Variants in MAML3 observed in about 807,000 individuals in gnomAD.
MAML3 encodes the protein mastermind like transcriptional coactivator 3.
In MAML3, 27 loss-of-function variants were observed where a neutral mutation model predicts 101.9. The ratio of observed to expected loss-of-function variants is 0.27; its 90% CI spans 0.20 to 0.37. The LOEUF is 0.37. MAML3 is among the 10% of genes least tolerant of loss of function. The probability of loss-of-function intolerance (pLI) is 1.00; values close to 1 mark genes in which losing one functional copy is unlikely to be tolerated. For missense variants in MAML3, 1,316 were observed against 1,444.9 expected (o/e 0.91, Z 1.45); for synonymous variants, 501 against 555.9 (o/e 0.90, Z 1.39).
chr4:139,721,251 C>G (rs1465110688), intron 4 of MAML3, among the ~76,000 whole-genome samples: 1 of 152,120 alleles, frequency 6.6e-6, no homozygotes, highest in Admixed American at 6.5e-5. Flanking sequence ...TGAGTGAGTC[C>G]TTCTTTACAT....
intron 1 of MAML3, among the ~76,000 whole-genome samples, chr4:140,008,786 G>C (rs541013234): frequency 1.3e-5 from 2 of 152,248 alleles, no homozygotes; most frequent in South Asian, 4.2e-4. Context: ...ACATTAACCT[G>C]ATCTGCAACT....
chr4:140,130,282 T>G (rs1310810888), intron 1 of MAML3, among the ~76,000 whole-genome samples: 1 of 152,240 alleles, frequency 6.6e-6, no homozygotes, highest in Non-Finnish European at 1.5e-5. Flanking sequence ...GAACAATGTC[T>G]ACGCTTACAG....
At chr4:139,792,884 A>G (rs1730442141) in intron 2 of MAML3, among the ~76,000 whole-genome samples, 1 of 151,708 alleles carries the variant, frequency 6.6e-6, no homozygotes, top group Non-Finnish European at 1.5e-5. Context: ...AACTGGGACT[A>G]TAGGCGCCCA....
chr4:139,896,878 G>C (rs1256843184), intron 1 of MAML3, among the ~76,000 whole-genome samples: 3 of 152,186 alleles, frequency 2.0e-5, no homozygotes, highest in African/African-American at 4.8e-5. Flanking sequence ...GTGTTTTGGA[G>C]AGGGTGTGGT....
At chr4:140,000,275 G>C (rs1734897725) in intron 1 of MAML3, among the ~76,000 whole-genome samples, 1 of 150,942 alleles carries the variant, frequency 6.6e-6, no homozygotes, top group East Asian at 1.9e-4. Flanking sequence ...AAAATTATGA[G>C]ATAAAAAGAG....
intron 1 of MAML3, among the ~76,000 whole-genome samples, chr4:140,012,360 C>T (rs1021587830): frequency 1.3e-5 from 2 of 152,144 alleles, no homozygotes; most frequent in Admixed American, 6.5e-5. Flanking sequence ...GGAAGGTCAA[C>T]GAGACTCAAG....
chr4:140,038,806 G>T, intron 1 of MAML3, among the ~76,000 whole-genome samples: 1 of 152,294 alleles, frequency 6.6e-6, no homozygotes, highest in South Asian at 2.1e-4. Context: ...CAGCTGCAAC[G>T]ACAGGGCAAC....
chr4:140,140,553 G>T (rs1728963331), intron 1 of MAML3, among the ~76,000 whole-genome samples: 2 of 152,020 alleles, frequency 1.3e-5, no homozygotes. Flanking sequence ...CTAGCCAAAG[G>T]TTCAGAATAA....
intron 2 of MAML3, among the ~76,000 whole-genome samples, chr4:139,799,014 G>A (rs574922065): frequency 1.2e-4 from 18 of 152,268 alleles, no homozygotes; most frequent in East Asian, 5.8e-4. Flanking sequence ...AGTGATTAGC[G>A]TAGGCAGTTA....
intron 1 of MAML3, among the ~76,000 whole-genome samples, chr4:140,080,971 T>G (rs1400712472): frequency 6.6e-6 from 1 of 152,178 alleles, no homozygotes; most frequent in African/African-American, 2.4e-5. Context: ...TATTTACACA[T>G]CATTAAACAC....
intron 2 of MAML3, among the ~76,000 whole-genome samples, chr4:139,883,943 G>T (rs548403435): frequency 4.6e-5 from 6 of 129,912 alleles, no homozygotes; most frequent in African/African-American, 1.8e-4. Context: ...AGGCTGGAGT[G>T]CAATGGGCAG....
chr4:139,726,884 A>G (rs1329562279), intron 3 of MAML3, among the ~76,000 whole-genome samples: 1 of 152,192 alleles, frequency 6.6e-6, no homozygotes, highest in African/African-American at 2.4e-5. Flanking sequence ...GTGATGTAGA[A>G]AGAGCAGAGA....
At chr4:139,941,125 C>T (rs2110738603) in intron 1 of MAML3, among the ~76,000 whole-genome samples, 1 of 152,272 alleles carries the variant, frequency 6.6e-6, no homozygotes, top group Admixed American at 6.5e-5. Flanking sequence ...TTCATAAAAA[C>T]ATGCTGCTTT....
intron 2 of MAML3, among the ~76,000 whole-genome samples, chr4:139,874,967 C>A (rs1732083418): frequency 6.6e-6 from 1 of 152,078 alleles, no homozygotes; most frequent in South Asian, 2.1e-4. Flanking sequence ...CCACGCCCGG[C>A]TAATTTTTTG....
chr4:140,097,312 C>G (rs1728180298), intron 1 of MAML3, among the ~76,000 whole-genome samples: 1 of 152,208 alleles, frequency 6.6e-6, no homozygotes. Flanking sequence ...CTCAGTCTCT[C>G]TCTCCTTTCC....
intron 1 of MAML3, among the ~76,000 whole-genome samples, chr4:139,943,615 T>G (rs576535348): frequency 6.6e-6 from 1 of 152,150 alleles, no homozygotes; most frequent in African/African-American, 2.4e-5. Context: ...TTGGCTAAAA[T>G]GCAAATAGAA....
At chr4:140,035,604 G>A (rs1047086074) in intron 1 of MAML3, among the ~76,000 whole-genome samples, 2 of 152,034 alleles carry the variant, frequency 1.3e-5, no homozygotes, top group Admixed American at 1.3e-4. Flanking sequence ...AGACCATCCT[G>A]GCTAACACAG....
chr4:139,912,746 A>G (rs1258187628), intron 1 of MAML3, among the ~76,000 whole-genome samples: 2 of 152,262 alleles, frequency 1.3e-5, no homozygotes, highest in African/African-American at 2.4e-5. Flanking sequence ...AGGAATGCCA[A>G]AGACTGCTGA....
chr4:139,797,567 C>T (rs1730533302), intron 2 of MAML3, among the ~76,000 whole-genome samples: 1 of 152,072 alleles, frequency 6.6e-6, no homozygotes, highest in Non-Finnish European at 1.5e-5. Context: ...CACAGAGCAG[C>T]CAGGGCATCG....
Sources: allele counts gnomAD v4.1 joint callset (sites outside exome capture counted in the v4.1 genomes callset), GRCh38; gene constraint gnomAD v4.1.1; transcripts MANE v1.5; gene names NCBI Gene and HGNC (gene_info 2026-07-23, HGNC 2026-07-21).